PACSIN2: variants seen among roughly 807,000 people sequenced by gnomAD.
PACSIN2 encodes protein kinase C and casein kinase substrate in neurons protein 2.
PACSIN2 carries 25 observed loss-of-function variants against 63.8 expected under a neutral mutation model. The ratio of observed to expected loss-of-function variants is 0.39; its 90% CI spans 0.29 to 0.55. PACSIN2 has a LOEUF of 0.55. Among genes scored for constraint, PACSIN2 ranks in the 20% least tolerant of loss-of-function variants. PACSIN2 has a pLI of 0.62. For missense variants in PACSIN2, 518 were observed against 646.9 expected, an observed-to-expected ratio of 0.80 and a Z score of 2.16; for synonymous variants, 255 against 256.2, an observed-to-expected ratio of 1.00 and a Z score of 0.05.
chr22:42,929,087 G>A (rs988640251), intron 1 of PACSIN2, among the ~76,000 whole-genome samples: 1 of 152,228 alleles, frequency 6.6e-6, no homozygotes, highest in African/African-American at 2.4e-5. Context: ...AGTGAGCATG[G>A]CTGCAAAGAT....
chr22:42,961,493 C>G (rs543626802), intron 1 of PACSIN2, among the ~76,000 whole-genome samples: 1 of 150,338 alleles, frequency 6.7e-6, no homozygotes, highest in South Asian at 2.1e-4. Flanking sequence ...ATTCCTTAGG[C>G]TGGGCCGGTG....
At position 42,883,408 on chromosome 22, in the gene PACSIN2, C is replaced by T. The variant is rs545134021; in HGVS notation, c.785+978G>A. Among the ~76,000 whole-genome samples the T allele has an allele frequency of 2.8e-4, 43 of 152,246 alleles. No individual in the cohort carries two copies. In the South Asian group the frequency reaches 7.5e-3, roughly 26 times the overall value. On this transcript the variant is annotated intron_variant, in intron 6 of 10. Coordinates refer to ENST00000263246, the MANE Select transcript of PACSIN2 (RefSeq NM_001184970.3). ...ACAAACGGAATGTGTCTCCTATTAA[C>T]AGCAAGCCTTGACCCGTGACGCATC... is the stretch of plus-strand genomic sequence containing the variant.
At chr22:42,882,417 TCACAGA>T in intron 6 of PACSIN2, 113 bp from the exon 7 acceptor site, 1 of 1,235,320 alleles carries the variant, frequency 8.1e-7, no homozygotes, top group Non-Finnish European at 1.1e-6. Context: ...TGAGTTGGTT[TCACAGA>T]CAGAGCCAGA....
chr22:42,915,191 G>A (rs1931732230), intron 1 of PACSIN2, among the ~76,000 whole-genome samples: 1 of 152,136 alleles, frequency 6.6e-6, no homozygotes, highest in Non-Finnish European at 1.5e-5. Flanking sequence ...CCCACTAAGT[G>A]CCAGGAGCCA....
intron 2 of PACSIN2, among the ~76,000 whole-genome samples, chr22:42,902,927 T>G (rs1296547341): frequency 6.6e-6 from 1 of 152,204 alleles, no homozygotes; most frequent in Non-Finnish European, 1.5e-5. Context: ...TTATCAGTTC[T>G]CAATCCTGCG....
intron 9 of PACSIN2, 48 bp from the exon 10 acceptor site, chr22:42,876,381 G>A: frequency 6.5e-7 from 1 of 1,541,318 alleles, no homozygotes; most frequent in Non-Finnish European, 8.9e-7. Flanking sequence ...GGCGGCAGAG[G>A]GTGTGAGGCC....
intron 1 of PACSIN2, among the ~76,000 whole-genome samples, chr22:42,932,248 T>C (rs1310915297): frequency 6.6e-6 from 1 of 152,222 alleles, no homozygotes; most frequent in Non-Finnish European, 1.5e-5. Context: ...CTGCCAGGAA[T>C]GTTCTTCCCT....
At chr22:42,920,673 C>A (rs550502238) in intron 1 of PACSIN2, among the ~76,000 whole-genome samples, 1 of 152,130 alleles carries the variant, frequency 6.6e-6, no homozygotes, top group South Asian at 2.1e-4. Flanking sequence ...GAGAAGAAAA[C>A]CACCTAAAAA....
chr22:42,922,960 G>C (rs1395800467), intron 1 of PACSIN2, among the ~76,000 whole-genome samples: 1 of 152,192 alleles, frequency 6.6e-6, no homozygotes, highest in Admixed American at 6.5e-5. Context: ...AGGACTGCAG[G>C]AAGATGGGCA....
intron 4 of PACSIN2, 103 bp from the exon 5 acceptor site, chr22:42,888,901 A>G (rs1929693260): frequency 1.7e-6 from 2 of 1,182,494 alleles, no homozygotes; most frequent in African/African-American, 1.5e-5. Flanking sequence ...AAGAGGGGAG[A>G]AAAAGGCAGG....
In PACSIN2 at chr22:42,874,362, C is replaced by G. The variant is rs77360140; in HGVS notation, c.1348+1775G>C. Among the ~76,000 whole-genome samples the G allele has an allele frequency of 4.7e-3, 708 of 150,678 alleles. 2 individuals are homozygous for G. The highest frequency in any genetic ancestry group is 0.015 in the African/African-American group (621 of 41,036). On this transcript the variant is annotated intron_variant, in intron 10 of 10. Coordinates refer to ENST00000263246, the MANE Select transcript of PACSIN2 (RefSeq NM_001184970.3). ...AAAAAGATTATCATTGAAGACCATT[C>G]AAAGAAGAAAAAGACATTGCACAGA...
chr22:42,897,687 G>A (rs370271178), intron 2 of PACSIN2, among the ~76,000 whole-genome samples: 5 of 152,238 alleles, frequency 3.3e-5, no homozygotes, highest in Admixed American at 6.5e-5. Flanking sequence ...GGCCAAGCAT[G>A]TACCTACTGA....
chr22:43,007,660 A>T (rs941076810), intron 1 of PACSIN2, among the ~76,000 whole-genome samples: 1 of 152,228 alleles, frequency 6.6e-6, no homozygotes, highest in African/African-American at 2.4e-5. Flanking sequence ...GAGGACAGTC[A>T]GACCCGCCCT....
intron 1 of PACSIN2, among the ~76,000 whole-genome samples, chr22:42,919,484 C>A (rs1055958338): frequency 1.1e-4 from 17 of 152,232 alleles, no homozygotes; most frequent in African/African-American, 4.1e-4. Flanking sequence ...CCTAAAGAAA[C>A]TGAACTCAGG....
chr22:42,971,237 C>T (rs1016149974), intron 1 of PACSIN2, among the ~76,000 whole-genome samples: 7 of 152,208 alleles, frequency 4.6e-5, no homozygotes, highest in African/African-American at 7.2e-5. Context: ...AGGCGCGCGC[C>T]GCCACGCCTG....
intron 4 of PACSIN2, among the ~76,000 whole-genome samples, chr22:42,890,416 A>C (rs1929821332): frequency 6.6e-6 from 1 of 152,220 alleles, no homozygotes; most frequent in South Asian, 2.1e-4. Flanking sequence ...TCAGTTACCA[A>C]ATCTGTAAAA....
intron 2 of PACSIN2, among the ~76,000 whole-genome samples, chr22:42,904,445 GCAGGCATCAC>G (rs1425451149): frequency 6.6e-6 from 1 of 152,208 alleles, no homozygotes; most frequent in African/African-American, 2.4e-5. Context: ...CCCCACTGAT[GCAGGCATCAC>G]CTTGCTGGAA....
chr22:42,934,843 G>A (rs1266135618), intron 1 of PACSIN2, among the ~76,000 whole-genome samples: 1 of 151,892 alleles, frequency 6.6e-6, no homozygotes, highest in East Asian at 1.9e-4. Flanking sequence ...GAGGGTCACT[G>A]AAAGAAAAAA....
At chr22:42,999,843 T>A (rs1233006121) in intron 1 of PACSIN2, among the ~76,000 whole-genome samples, 1 of 152,214 alleles carries the variant, frequency 6.6e-6, no homozygotes, top group Non-Finnish European at 1.5e-5. Context: ...TAAGCTTCTC[T>A]GAGCCTATTT....
Sources: gnomAD v4.1 joint callset for allele counts (sites outside exome capture counted in the v4.1 genomes callset) on GRCh38, gnomAD v4.1.1 for gene constraint, MANE v1.5 for transcripts, NCBI Gene and HGNC (gene_info 2026-07-23, HGNC 2026-07-21) for gene names.